MAPT: variants seen among roughly 807,000 people sequenced by gnomAD.
MAPT encodes microtubule-associated protein tau.
MAPT carries 34 observed loss-of-function variants against 67.9 expected under a neutral mutation model. The observed-to-expected ratio is 0.50, with a 90% CI of 0.38 to 0.67. MAPT has a LOEUF of 0.67. Among genes scored for constraint, MAPT ranks in the 30% least tolerant of loss-of-function variants. MAPT has a pLI of 0.00. For synonymous variants in MAPT, 456 were observed against 464.5 expected (o/e 0.98, Z 0.23); for missense variants, 881 against 1,115.2 (o/e 0.79, Z 2.99).
At chr17:46,000,485 T>A (rs56108300) in intron 9 of MAPT, among the ~76,000 whole-genome samples, 21,991 of 152,024 alleles carry the variant, frequency 0.14, 2,115 homozygotes, top group Non-Finnish European at 0.22. Context: ...GAAGAGCCCG[T>A]AGGCCCCGCC....
At chr17:45,944,256 G>A (rs1212531610) in intron 1 of MAPT, among the ~76,000 whole-genome samples, 1 of 152,164 alleles carries the variant, frequency 6.6e-6, no homozygotes, top group East Asian at 1.9e-4. Flanking sequence ...GCTAGCCAGT[G>A]GACCCCACCA....
chr17:45,907,379 C>T (rs901704024), intron 1 of MAPT, among the ~76,000 whole-genome samples: 1 of 152,206 alleles, frequency 6.6e-6, no homozygotes. Context: ...GTGGCAGCGC[C>T]GTGCTCCCCA....
At chr17:45,952,665 G>A (rs1216828046) in intron 1 of MAPT, among the ~76,000 whole-genome samples, 2 of 151,956 alleles carry the variant, frequency 1.3e-5, no homozygotes, top group Non-Finnish European at 2.9e-5. Context: ...GCATACCTGT[G>A]GTCCCAGCTT....
At chr17:45,997,683 C>T (rs925911537) in intron 9 of MAPT, among the ~76,000 whole-genome samples, 9 of 152,156 alleles carry the variant, frequency 5.9e-5, no homozygotes, top group African/African-American at 1.9e-4. Context: ...TCGCTTGAAC[C>T]CAGGAGGCAG....
intron 8 of MAPT, chr17:45,993,996 C>T (rs758636056): frequency 6.4e-6 from 10 of 1,556,742 alleles, no homozygotes; most frequent in Non-Finnish European, 8.7e-6. Flanking sequence ...GAGCCTACTT[C>T]GCTGGGAGCA....
At chr17:45,981,298 A>G (rs1440489675) in intron 4 of MAPT, among the ~76,000 whole-genome samples, 1 of 152,200 alleles carries the variant, frequency 6.6e-6, no homozygotes, top group Non-Finnish European at 1.5e-5. Flanking sequence ...GGGTGTTCAA[A>G]GAGTTGGGAG....
rs2258689 is a variant in MAPT, at chr17:45,990,016, T to C, written c.1546T>C (p.Tyr516His). ...VCPEPPSSPK[Y>H]VSSVTSRTGS... ...CCCAGAGCCACCTTCCTCTCCTAAA[T>C]ACGTCTCTTCTGTCACTTCCCGAAC... The change falls in exon 7 of 13, where the codon TAC (tyrosine) becomes CAC (histidine). Residue 516 changes from tyrosine to histidine, a missense_variant. Physicochemically the swap from Tyr to His is moderately conservative, Grantham distance 83. Transcript: ENST00000262410. 0.23 allele frequency: 365,736 copies of C among 1,613,896 alleles called. 47,093 individuals carry two copies. The highest frequency in any genetic ancestry group is 0.6 in the East Asian group (26,697 of 44,862).
At chr17:45,990,520 G>A (rs1392433407) in intron 7 of MAPT, 2 of 449,158 alleles carry the variant, frequency 4.5e-6, no homozygotes, top group East Asian at 7.3e-5. Flanking sequence ...GGAGGCTGAG[G>A]CACAAGGATT....
intron 10 of MAPT, among the ~76,000 whole-genome samples, 184 bp from the exon 11 acceptor site, chr17:46,014,059 C>T (rs997855248): frequency 5.9e-5 from 9 of 152,202 alleles, no homozygotes; most frequent in Non-Finnish European, 1.0e-4. Context: ...CACATTTTTC[C>T]ACCCTGACTA....
At chr17:46,006,484 G>A (rs948197815) in intron 9 of MAPT, among the ~76,000 whole-genome samples, 11 of 152,054 alleles carry the variant, frequency 7.2e-5, no homozygotes, top group African/African-American at 2.7e-4. Context: ...GTACAAAAAC[G>A]TAGTTAGCAT....
chr17:45,934,432 AT>A (rs200154303), intron 1 of MAPT, among the ~76,000 whole-genome samples: 9 of 151,874 alleles, frequency 5.9e-5, no homozygotes, highest in Non-Finnish European at 1.0e-4. Flanking sequence ...GCATGTGTGT[AT>A]TTTTTTTTCC....
chr17:45,949,679 A>G (rs1414886034), intron 1 of MAPT, among the ~76,000 whole-genome samples: 1 of 152,142 alleles, frequency 6.6e-6, no homozygotes, highest in Non-Finnish European at 1.5e-5. Context: ...CTGAGGGCTG[A>G]AATAAACATG....
At chr17:45,989,417 G>A (rs564734594) in intron 6 of MAPT, among the ~76,000 whole-genome samples, 23 of 152,270 alleles carry the variant, frequency 1.5e-4, no homozygotes, top group East Asian at 3.9e-4. Flanking sequence ...TTGGGAGGCC[G>A]AGACGGGTGG....
At chr17:45,958,738 AAAG>A (rs1350213766) in intron 1 of MAPT, among the ~76,000 whole-genome samples, 12 of 151,846 alleles carry the variant, frequency 7.9e-5, no homozygotes, top group Non-Finnish European at 1.0e-4. Context: ...AAAAAAAAAA[AAAG>A]AGGAGAAAAA....
In MAPT at chr17:45,941,705, G is replaced by GCCTT. The variant is rs1201409768; in HGVS notation, c.-17-20568_-17-20565dup. ...CTCCTTCCTTCCTTCCTTCCTGCCT[G>GCCTT]CCTTCCTTCCTTCCTTCCTTCCTTC... On this transcript the variant is annotated intron_variant, in intron 1 of 12. Transcript: ENST00000262410. Among the ~76,000 whole-genome samples the GCCTT allele has an allele frequency of 7.5e-3, 191 of 25,540 alleles. 8 individuals are homozygous for GCCTT. Among genetic ancestry groups the GCCTT allele is most frequent in the Middle Eastern group, 0.014 (1 of 72 alleles). 16.8% of individuals were successfully genotyped at this position (25,540 alleles called of 152,430 possible).
chr17:45,999,323 C>G, intron 9 of MAPT: 1 of 1,613,888 alleles, frequency 6.2e-7, no homozygotes, highest in Non-Finnish European at 8.5e-7. Context: ...TTTGCAGCCC[C>G]CACAAGACTG....
chr17:45,900,995 T>G (rs565598645), intron 1 of MAPT, among the ~76,000 whole-genome samples: 1 of 152,224 alleles, frequency 6.6e-6, no homozygotes, highest in East Asian at 1.9e-4. Flanking sequence ...GGTCTAAAGA[T>G]CCTGGTGATG....
intron 1 of MAPT, among the ~76,000 whole-genome samples, chr17:45,905,021 C>T (rs531374433): frequency 6.6e-6 from 1 of 152,252 alleles, no homozygotes; most frequent in East Asian, 1.9e-4. Context: ...CATCAGCCCT[C>T]CCACCATCCG....
At chr17:45,929,158 G>A (rs1045992832) in intron 1 of MAPT, among the ~76,000 whole-genome samples, 4 of 152,138 alleles carry the variant, frequency 2.6e-5, no homozygotes, top group Admixed American at 6.5e-5. Context: ...AGGATGGTAA[G>A]GATATTTTCC....
Sources: allele counts gnomAD v4.1 joint callset (sites outside exome capture counted in the v4.1 genomes callset), GRCh38; gene constraint gnomAD v4.1.1; transcripts MANE v1.5; gene names NCBI Gene and HGNC (gene_info 2026-07-23, HGNC 2026-07-21).